CNTNAP2: variants seen among roughly 807,000 people sequenced by gnomAD.
CNTNAP2 encodes the protein contactin-associated protein-like 2.
A neutral mutation model predicts 155.2 loss-of-function variants in CNTNAP2; 98 were observed. That is an observed-to-expected ratio of 0.63 (90% confidence interval 0.54 to 0.75). CNTNAP2 has a LOEUF of 0.75. CNTNAP2 is among the 30% of genes least tolerant of loss of function. The pLI is 0.00. For missense variants in CNTNAP2, 1,727 were observed against 1,688.1 expected (o/e 1.02, Z -0.40); for synonymous variants, 651 against 631.2 (o/e 1.03, Z -0.47).
At chr7:147,671,389 G>T (rs1795784610) in intron 13 of CNTNAP2, among the ~76,000 whole-genome samples, 2 of 152,178 alleles carry the variant, frequency 1.3e-5, no homozygotes, top group Non-Finnish European at 2.9e-5. Flanking sequence ...AAAGGCTGCA[G>T]CTCTCAGAAC....
intron 13 of CNTNAP2, among the ~76,000 whole-genome samples, chr7:147,892,028 A>G (rs1270670496): frequency 6.6e-6 from 1 of 152,220 alleles, no homozygotes; most frequent in Non-Finnish European, 1.5e-5. Context: ...CTAAAAGGAG[A>G]AAAAACTTTT....
intron 13 of CNTNAP2, among the ~76,000 whole-genome samples, chr7:147,804,504 A>T (rs537332449): frequency 6.6e-6 from 1 of 152,036 alleles, no homozygotes; most frequent in Non-Finnish European, 1.5e-5. Context: ...GGCCCTGAGC[A>T]TGACCTTCAA....
chr7:146,741,277 G>A (rs1801711746), intron 1 of CNTNAP2, among the ~76,000 whole-genome samples: 1 of 152,122 alleles, frequency 6.6e-6, no homozygotes. Flanking sequence ...TGCATAGATA[G>A]CTGTTCAGAT....
chr7:148,231,922 G>T (rs143045687), intron 20 of CNTNAP2, among the ~76,000 whole-genome samples: 1 of 152,298 alleles, frequency 6.6e-6, no homozygotes, highest in East Asian at 1.9e-4. Context: ...TTGGATGCAC[G>T]ATTCTGAGGT....
At chr7:148,017,951 G>C (rs1802208715) in intron 15 of CNTNAP2, among the ~76,000 whole-genome samples, 1 of 152,220 alleles carries the variant, frequency 6.6e-6, no homozygotes, top group Non-Finnish European at 1.5e-5. Context: ...AAGGCAGCGA[G>C]TGACATTTTA....
At chr7:148,330,877 C>T (rs1382678166) in intron 21 of CNTNAP2, among the ~76,000 whole-genome samples, 1 of 91,296 alleles carries the variant, frequency 1.1e-5, no homozygotes, top group African/African-American at 5.3e-5. Context: ...GATGGAGTGG[C>T]TGGATGGAAT....
chr7:146,169,918 A>G (rs1225870830), intron 1 of CNTNAP2, among the ~76,000 whole-genome samples: 1 of 151,730 alleles, frequency 6.6e-6, no homozygotes, highest in Non-Finnish European at 1.5e-5. Context: ...TAACGCTGCA[A>G]TGAATGTAGC....
At chr7:148,071,070 A>AT (rs1391334071) in intron 15 of CNTNAP2, among the ~76,000 whole-genome samples, 4 of 152,228 alleles carry the variant, frequency 2.6e-5, no homozygotes. Context: ...GTTTATCATT[A>AT]TAAGTTTCTC....
chr7:147,615,925 C>T (rs924107216), intron 12 of CNTNAP2, among the ~76,000 whole-genome samples: 5 of 152,052 alleles, frequency 3.3e-5, no homozygotes, highest in Non-Finnish European at 7.4e-5. Flanking sequence ...ATTTTCCTCC[C>T]GCCTCCTGGT....
At chr7:148,338,966 GA>G (rs1268281010) in intron 21 of CNTNAP2, among the ~76,000 whole-genome samples, 3 of 152,144 alleles carry the variant, frequency 2.0e-5, no homozygotes, top group Admixed American at 6.5e-5. Context: ...AGGAAAATCA[GA>G]AAACATTATA....
chr7:147,909,878 G>A (rs763501504), intron 14 of CNTNAP2, among the ~76,000 whole-genome samples: 2 of 152,176 alleles, frequency 1.3e-5, no homozygotes, highest in Non-Finnish European at 1.5e-5. Context: ...GTGAAAAGCC[G>A]TTAGCACAGT....
intron 1 of CNTNAP2, among the ~76,000 whole-genome samples, chr7:146,270,359 T>C (rs1800061464): frequency 6.6e-6 from 1 of 152,178 alleles, no homozygotes; most frequent in South Asian, 2.1e-4. Flanking sequence ...TAAAATGAAT[T>C]AAGGGCAATT....
chr7:146,737,268 T>C (rs1362611532), intron 1 of CNTNAP2, among the ~76,000 whole-genome samples: 1 of 152,130 alleles, frequency 6.6e-6, no homozygotes, highest in Non-Finnish European at 1.5e-5. Flanking sequence ...CCTCACATAG[T>C]TATCTTTTTT....
At chr7:147,557,659 G>A (rs1449874486) in intron 11 of CNTNAP2, among the ~76,000 whole-genome samples, 2 of 152,136 alleles carry the variant, frequency 1.3e-5, no homozygotes, top group Non-Finnish European at 2.9e-5. Flanking sequence ...GAGCTAACTG[G>A]CTGAGGCATG....
intron 15 of CNTNAP2, among the ~76,000 whole-genome samples, chr7:148,099,644 A>T (rs1563199106): frequency 6.6e-6 from 1 of 151,942 alleles, no homozygotes; most frequent in Non-Finnish European, 1.5e-5. Context: ...TCCAGGATGG[A>T]CTTTCTCCTC....
chr7:146,960,265 A>G lies in CNTNAP2; in HGVS notation c.403-83642A>G, dbSNP rs1797529614. Among the ~76,000 whole-genome samples, 3 of 152,330 alleles carry G rather than the reference A, an allele frequency of 2.0e-5. No homozygotes were observed. The South Asian group carries it at 6.2e-4, about 32-fold the overall frequency. ...AAAATGCACATCTTTCTCTTTGCAA[A>G]TAGTTACTATACTTTCTTTAAACAT... On this transcript the variant is annotated intron_variant, in intron 3 of 23. Coordinates refer to ENST00000361727, the MANE Select transcript of CNTNAP2 (RefSeq NM_014141.6).
intron 2 of CNTNAP2, among the ~76,000 whole-genome samples, chr7:146,790,161 G>A (rs187716490): frequency 3.9e-5 from 6 of 152,162 alleles, no homozygotes; most frequent in African/African-American, 9.6e-5. Flanking sequence ...ATAAAGTAAA[G>A]CAAAGACTCA....
intron 9 of CNTNAP2, among the ~76,000 whole-genome samples, chr7:147,375,812 T>C (rs1251548633): frequency 6.6e-6 from 1 of 152,086 alleles, no homozygotes; most frequent in Non-Finnish European, 1.5e-5. Flanking sequence ...TCAGCCTTTA[T>C]ACTTTTTAAA....
chr7:146,514,655 GA>G (rs1797514903), intron 1 of CNTNAP2, among the ~76,000 whole-genome samples: 1 of 151,738 alleles, frequency 6.6e-6, no homozygotes, highest in African/African-American at 2.4e-5. Context: ...GCTCATCAAA[GA>G]GTTTTGTTTT....
Sources: allele counts gnomAD v4.1 joint callset (sites outside exome capture counted in the v4.1 genomes callset), GRCh38; gene constraint gnomAD v4.1.1; transcripts MANE v1.5; gene names NCBI Gene and HGNC (gene_info 2026-07-23, HGNC 2026-07-21).